Variants in SLC30A8 observed in about 807,000 individuals in gnomAD.
The protein encoded by SLC30A8 is solute carrier family 30 member 8, also known as proton-coupled zinc antiporter SLC30A8.
SLC30A8 carries 27 observed loss-of-function variants against 36.9 expected under a neutral mutation model. That is an observed-to-expected ratio of 0.73 (90% CI 0.54 to 1.01). SLC30A8 has a LOEUF of 1.01. SLC30A8 is among the 50% of genes least tolerant of loss of function. The pLI is 0.00. For missense variants in SLC30A8, 439 were observed against 452.0 expected (o/e 0.97, Z 0.26); for synonymous variants, 164 against 172.4 (o/e 0.95, Z 0.38).
intron 2 of SLC30A8, among the ~76,000 whole-genome samples, chr8:117,073,002 A>T (rs1294766953): frequency 6.6e-6 from 1 of 152,096 alleles, no homozygotes; most frequent in East Asian, 1.9e-4. Flanking sequence ...TCTGACATTT[A>T]TGTGTGATGT....
At chr8:117,161,699 T>A (rs755294357) in intron 4 of SLC30A8, 39 bp from the exon 5 acceptor site, 2 of 1,567,760 alleles carry the variant, frequency 1.3e-6, no homozygotes, top group Admixed American at 3.6e-5. Flanking sequence ...TTTTTAAGAC[T>A]GACCTCATGT....
At chr8:117,107,371 A>T (rs1207784067) in intron 2 of SLC30A8, among the ~76,000 whole-genome samples, 2 of 152,178 alleles carry the variant, frequency 1.3e-5, no homozygotes, top group Non-Finnish European at 1.5e-5. Flanking sequence ...CATAAAATGG[A>T]CCTGTGCCTT....
intron 1 of SLC30A8, among the ~76,000 whole-genome samples, chr8:116,974,641 G>C (rs1814915861): frequency 6.6e-6 from 1 of 152,120 alleles, no homozygotes; most frequent in Non-Finnish European, 1.5e-5. Flanking sequence ...ATTCCTCAAG[G>C]ATCTAGAACT....
intron 1 of SLC30A8, among the ~76,000 whole-genome samples, chr8:116,973,460 A>G (rs1814863039): frequency 6.6e-6 from 1 of 152,172 alleles, no homozygotes; most frequent in South Asian, 2.1e-4. Context: ...AGAATAAAAT[A>G]CCTAGGAATC....
At chr8:117,053,523 C>T (rs904728749) in intron 2 of SLC30A8, among the ~76,000 whole-genome samples, 5 of 152,150 alleles carry the variant, frequency 3.3e-5, no homozygotes, top group African/African-American at 1.2e-4. Flanking sequence ...TCCTGGATGT[C>T]TGAGCCCGAG....
intron 2 of SLC30A8, among the ~76,000 whole-genome samples, chr8:117,125,414 G>A (rs763797961): frequency 2.6e-5 from 4 of 152,004 alleles, no homozygotes; most frequent in Non-Finnish European, 5.9e-5. Context: ...TTGAGCCTCA[G>A]ACAGCACTAA....
At chr8:117,051,436 A>G (rs1391430124) in intron 2 of SLC30A8, among the ~76,000 whole-genome samples, 1 of 152,222 alleles carries the variant, frequency 6.6e-6, no homozygotes, top group Non-Finnish European at 1.5e-5. Flanking sequence ...TCAAGGGGGC[A>G]GATCCCTTAT....
intron 2 of SLC30A8, chr8:117,147,742 T>C (rs971192489): frequency 6.6e-6 from 1 of 152,634 alleles, no homozygotes; most frequent in African/African-American, 2.4e-5. Flanking sequence ...ACAATTCGTC[T>C]CTACCAGCTC....
chr8:116,993,826 C>T (rs545458729), intron 1 of SLC30A8, among the ~76,000 whole-genome samples: 2 of 151,684 alleles, frequency 1.3e-5, no homozygotes, highest in Non-Finnish European at 2.9e-5. Context: ...AGGAGAATAA[C>T]AGTAATAAAT....
chr8:117,146,845 G>A (rs1821920090), intron 1 of SLC30A8, 109 bp from the exon 2 acceptor site: 2 of 1,518,270 alleles, frequency 1.3e-6, no homozygotes, highest in South Asian at 2.5e-5. Flanking sequence ...ACACTTCATA[G>A]CAAGTAAGCA....
chr8:116,974,223 A>C (rs1404116963), intron 1 of SLC30A8, among the ~76,000 whole-genome samples: 1 of 152,240 alleles, frequency 6.6e-6, no homozygotes, highest in Non-Finnish European at 1.5e-5. Flanking sequence ...TCTGTACAGC[A>C]AAAGAAACCA....
In SLC30A8 at chr8:116,968,010, G is replaced by T. The variant is rs182242154; in HGVS notation, c.-266+16891G>T. ...TTGCAATACTAATTCTGTGATCTTG[G>T]CCCAGTTACTTAAAATCTGAGATTA... On this transcript the variant is annotated intron_variant, in intron 1 of 10. Transcript: ENST00000427715. Among the ~76,000 whole-genome samples the T allele has an allele frequency of 1.7e-3, 254 of 152,178 alleles. 2 individuals are homozygous for T. Among genetic ancestry groups the T allele is most frequent in the Non-Finnish European group, 3.2e-3 (216 of 68,002 alleles).
intron 1 of SLC30A8, among the ~76,000 whole-genome samples, chr8:116,988,028 T>G (rs1047907946): frequency 8.5e-5 from 13 of 152,280 alleles, no homozygotes; most frequent in African/African-American, 3.1e-4. Context: ...ATTATTTTTG[T>G]TTTTTGGTGG....
upstream of SLC30A8, among the ~76,000 whole-genome samples, chr8:117,130,924 G>T (rs1298454534): frequency 6.6e-6 from 1 of 151,850 alleles, no homozygotes; most frequent in Non-Finnish European, 1.5e-5. Flanking sequence ...CAAAAATAAT[G>T]CTAGTTCATT....
intron 1 of SLC30A8, among the ~76,000 whole-genome samples, chr8:117,006,251 A>C (rs1369150793): frequency 6.6e-6 from 1 of 152,180 alleles, no homozygotes; most frequent in Non-Finnish European, 1.5e-5. Flanking sequence ...TTTCTTACAT[A>C]ATACAAAGTC....
At chr8:117,062,030 T>C (rs747159341) in intron 2 of SLC30A8, among the ~76,000 whole-genome samples, 44 of 152,188 alleles carry the variant, frequency 2.9e-4, no homozygotes. Flanking sequence ...TTTCCCCACA[T>C]GTTTGAAACC....
At chr8:117,114,038 T>C (rs943829501) in intron 2 of SLC30A8, among the ~76,000 whole-genome samples, 1 of 152,064 alleles carries the variant, frequency 6.6e-6, no homozygotes, top group Non-Finnish European at 1.5e-5. Context: ...TCCCAGATGT[T>C]GGAGAACAGT....
intron 4 of SLC30A8, among the ~76,000 whole-genome samples, chr8:117,161,110 T>C (rs1822769578): frequency 6.6e-6 from 1 of 152,246 alleles, no homozygotes; most frequent in African/African-American, 2.4e-5. Flanking sequence ...TGTGTATATG[T>C]ATGTACACAT....
intron 1 of SLC30A8, among the ~76,000 whole-genome samples, chr8:117,029,536 G>C (rs973153471): frequency 7.2e-5 from 11 of 152,212 alleles, no homozygotes; most frequent in African/African-American, 2.6e-4. Flanking sequence ...TAAAATTAAG[G>C]CTTTTAAATT....
Sources: allele counts gnomAD v4.1 joint callset (sites outside exome capture counted in the v4.1 genomes callset), GRCh38; gene constraint gnomAD v4.1.1; transcripts MANE v1.5; gene names NCBI Gene and HGNC (gene_info 2026-07-23, HGNC 2026-07-21).